Variants in KRTAP20-4 observed in about 807,000 individuals in gnomAD.
KRTAP20-4 encodes keratin associated protein 20-4.
For missense variants in KRTAP20-4, 30 were observed against 22.1 expected (o/e 1.36, Z -0.72); for synonymous variants, 21 against 8.9 (o/e 2.36, Z -2.43).
In KRTAP20-4 at chr21:30,620,729, T is replaced by C; in HGVS notation, c.72T>C (p.Thr24=). ...GLAVAVTMGR[T]VAVAEYGRCR... ...CTGTGGCTGTGACTATGGGAAGGAC[T>C]GTGGCTGTGGCTGAGTATGGCAGGT... The change falls in exon 1 of 1, where the codon ACT becomes ACC. Residue 24 remains threonine, a synonymous_variant. Transcript: ENST00000382828. The C allele has an allele frequency of 1.4e-6, 1 of 717,442 alleles. No homozygotes were observed. The highest frequency in any genetic ancestry group is 2.6e-6 in the Non-Finnish European group (1 of 385,066). 44.4% of individuals were successfully genotyped at this position (717,442 alleles called of 1,614,324 possible). A position where few individuals can be genotyped will look rare whatever the true frequency, so the allele number is the denominator to read the frequency against.
In KRTAP20-4 at chr21:30,620,718, A is replaced by C. The variant is rs1416702021; in HGVS notation, c.61A>C (p.Met21Leu). The change falls in exon 1 of 1, where the codon ATG (methionine) becomes CTG (leucine). Residue 21 changes from methionine to leucine, a missense_variant. Transcript: ENST00000382828. ...LGCGLAVAVTMGRTVAVAEYG... is the reference protein window; with the variant it reads ...LGCGLAVAVTLGRTVAVAEYG... Reference sequence around the variant, plus strand: ...CTGCGGCTTGGCTGTGGCTGTGACTATGGGAAGGACTGTGGCTGTGGCTGA... The same window carrying C: ...CTGCGGCTTGGCTGTGGCTGTGACTCTGGGAAGGACTGTGGCTGTGGCTGA... The C allele has an allele frequency of 2.8e-6, 2 of 717,288 alleles. No homozygotes were observed. Among genetic ancestry groups the C allele is most frequent in the African/African-American group, 1.7e-5 (1 of 57,214 alleles). The allele number at this position is 717,288 out of a possible 1,614,324, so 44.4% of individuals were successfully genotyped here. A position where few individuals can be genotyped will look rare whatever the true frequency, so the allele number is the denominator to read the frequency against.
rs566595773 is a variant in KRTAP20-4 at position 30,620,632 on chromosome 21, A to C, written c.-26A>C. The C allele has an allele frequency of 5.7e-5, 41 of 717,510 alleles. No individual in the cohort carries two copies. The South Asian group carries it at 5.9e-4, about 10-fold the overall frequency. The allele number at this position is 717,510 out of a possible 1,614,324, so 44.4% of individuals were successfully genotyped here. On this transcript the variant is annotated 5_prime_UTR_variant, in exon 1 of 1. Transcript: ENST00000382828. ...TGAGAAAAATAATTCCCTGATCCAC[A>C]ACTGAAACATCCACTTCTGAACACC...
rs556797059 is a variant in KRTAP20-4 at position 30,620,796 on chromosome 21, C to T, written c.*4C>T. On this transcript the variant is annotated 3_prime_UTR_variant, in exon 1 of 1. Coordinates refer to ENST00000382828, the MANE Select transcript of KRTAP20-4 (RefSeq NM_001350977.1). Reference sequence around the variant, plus strand: ...CTCATCTTACTCTGCCAGGTAATGACACCATGGATTCCACTGAGGAACACC... The same window carrying T: ...CTCATCTTACTCTGCCAGGTAATGATACCATGGATTCCACTGAGGAACACC... 104 of 717,368 alleles carry T rather than the reference C, an allele frequency of 1.4e-4. 3 individuals are homozygous for T. Among genetic ancestry groups the T allele is most frequent in the South Asian group, 9.0e-4 (61 of 67,598 alleles). 44.4% of individuals were successfully genotyped at this position (717,368 alleles called of 1,614,324 possible). A position where few individuals can be genotyped will look rare whatever the true frequency, so the allele number is the denominator to read the frequency against.
chr21:30,620,774 A>G lies in KRTAP20-4; in HGVS notation c.117A>G (p.Ser39=). 1 of 717,406 alleles carries G rather than the reference A, an allele frequency of 1.4e-6. No individual in the cohort carries two copies. The highest frequency in any genetic ancestry group is 2.6e-6 in the Non-Finnish European group (1 of 385,052). The allele number at this position is 717,406 out of a possible 1,614,324, so 44.4% of individuals were successfully genotyped here. The change falls in exon 1 of 1, where the codon TCA becomes TCG. Residue 39 remains serine, a synonymous_variant. Coordinates refer to ENST00000382828, the MANE Select transcript of KRTAP20-4 (RefSeq NM_001350977.1). ...GCAGGTGCAGACATGGCTGCCACTCATCTTACTCTGCCAGGTAATGACACC... is the reference window on the plus strand; with the variant it reads ...GCAGGTGCAGACATGGCTGCCACTCGTCTTACTCTGCCAGGTAATGACACC... ...EYGRCRHGCH[S]SYSAR
At position 30,620,753 on chromosome 21, in the gene KRTAP20-4, G is replaced by A. The variant is rs1280581710; in HGVS notation, c.96G>A (p.Arg32=). Residue 32 remains arginine (R), a synonymous_variant, in exon 1 of 1, where the codon AGG becomes AGA. Transcript: ENST00000382828. The part of the protein sequence containing the change: ...GRTVAVAEYG[R]CRHGCHSSYS... ...CTGTGGCTGTGGCTGAGTATGGCAG[G>A]TGCAGACATGGCTGCCACTCATCTT... 9.8e-6 allele frequency: 7 copies of A among 717,318 alleles called. No homozygotes were observed. Among genetic ancestry groups the A allele is most frequent in the East Asian group, 2.7e-5 (1 of 37,292 alleles). 44.4% of individuals were successfully genotyped at this position (717,318 alleles called of 1,614,324 possible). A position where few individuals can be genotyped will look rare whatever the true frequency, so the allele number is the denominator to read the frequency against.
rs1980801587 is a variant in KRTAP20-4 at position 30,620,627 on chromosome 21, T to C, written c.-31T>C. 2.8e-6 allele frequency: 2 copies of C among 717,388 alleles called. No individual in the cohort carries two copies. Among genetic ancestry groups the C allele is most frequent in the Non-Finnish European group, 2.6e-6 (1 of 385,048 alleles). 44.4% of individuals were successfully genotyped at this position (717,388 alleles called of 1,614,324 possible). On this transcript the variant is annotated 5_prime_UTR_variant, in exon 1 of 1. Coordinates refer to ENST00000382828, the MANE Select transcript of KRTAP20-4 (RefSeq NM_001350977.1). ...CAAACTGAGAAAAATAATTCCCTGA[T>C]CCACAACTGAAACATCCACTTCTGA...
chr21:30,620,692 G>A lies in KRTAP20-4; in HGVS notation c.35G>A (p.Gly12Asp). The A allele has an allele frequency of 1.4e-6, 1 of 717,604 alleles. No individual in the cohort carries two copies. Among genetic ancestry groups the A allele is most frequent in the Non-Finnish European group, 2.6e-6 (1 of 385,090 alleles). 44.5% of individuals were successfully genotyped at this position (717,604 alleles called of 1,614,324 possible). ...TACAGCCATCTTTCTGGTGGCCTGG[G>A]CTGCGGCTTGGCTGTGGCTGTGACT... ...SYYSHLSGGL[G>D]CGLAVAVTMG... The change falls in exon 1 of 1, where the codon GGC becomes GAC. Residue 12 changes from glycine to aspartate, a missense_variant. Coordinates refer to ENST00000382828, the MANE Select transcript of KRTAP20-4 (RefSeq NM_001350977.1).
rs1261499257 is a variant in KRTAP20-4, at chr21:30,620,815, G to T, written c.*23G>T. ...TAATGACACCATGGATTCCACTGAG[G>T]AACACCTAGAGCAGTTCAGTCTACT... is the stretch of plus-strand genomic sequence containing the variant. On this transcript the variant is annotated 3_prime_UTR_variant, in exon 1 of 1. Coordinates refer to ENST00000382828, the MANE Select transcript of KRTAP20-4 (RefSeq NM_001350977.1). 2 of 717,114 alleles carry T rather than the reference G, an allele frequency of 2.8e-6. No individual in the cohort carries two copies. The highest frequency in any genetic ancestry group is 2.3e-4 in the Middle Eastern group (1 of 4,356). 44.4% of individuals were successfully genotyped at this position (717,114 alleles called of 1,614,324 possible). A position where few individuals can be genotyped will look rare whatever the true frequency, so the allele number is the denominator to read the frequency against.
Position 30,620,676 on chromosome 21 carries a change from C to G in KRTAP20-4, c.19C>G (p.Leu7Val). The change falls in exon 1 of 1, where the codon CTT becomes GTT. Residue 7 changes from leucine (L) to valine (V), a missense_variant. By Grantham distance (32) the Leu-to-Val change is conservative. Transcript: ENST00000382828. MSYYSHLSGGLGCGLAV... is the reference protein window; with the variant it reads MSYYSHVSGGLGCGLAV... Reference sequence around the variant, plus strand: ...GAACACCATGTCCTACTACAGCCATCTTTCTGGTGGCCTGGGCTGCGGCTT... The same window carrying G: ...GAACACCATGTCCTACTACAGCCATGTTTCTGGTGGCCTGGGCTGCGGCTT... 1.4e-6 allele frequency: 1 copy of G among 717,710 alleles called. No homozygotes were observed. The highest frequency in any genetic ancestry group is 2.6e-6 in the Non-Finnish European group (1 of 385,118). The allele number at this position is 717,710 out of a possible 1,614,324, so 44.5% of individuals were successfully genotyped here. A position where few individuals can be genotyped will look rare whatever the true frequency, so the allele number is the denominator to read the frequency against.
chr21:30,620,732 G>A lies in KRTAP20-4; in HGVS notation c.75G>A (p.Val25=), dbSNP rs1405758883. The A allele has an allele frequency of 1.4e-6, 1 of 717,438 alleles. No homozygotes were observed. The highest frequency in any genetic ancestry group is 2.6e-6 in the Non-Finnish European group (1 of 385,070). 44.4% of individuals were successfully genotyped at this position (717,438 alleles called of 1,614,324 possible). ...TGGCTGTGACTATGGGAAGGACTGT[G>A]GCTGTGGCTGAGTATGGCAGGTGCA... is the stretch of plus-strand genomic sequence containing the variant. ...LAVAVTMGRT[V]AVAEYGRCRH... Residue 25 remains valine (V), a synonymous_variant, in exon 1 of 1, where the codon GTG becomes GTA. Coordinates refer to ENST00000382828, the MANE Select transcript of KRTAP20-4 (RefSeq NM_001350977.1).
In KRTAP20-4 at chr21:30,620,802, G is replaced by A; in HGVS notation, c.*10G>A. ...TTACTCTGCCAGGTAATGACACCAT[G>A]GATTCCACTGAGGAACACCTAGAGC... On this transcript the variant is annotated 3_prime_UTR_variant, in exon 1 of 1. Transcript: ENST00000382828. The A allele has an allele frequency of 1.4e-6, 1 of 717,250 alleles. No individual in the cohort carries two copies. The highest frequency in any genetic ancestry group is 2.6e-6 in the Non-Finnish European group (1 of 384,982). The allele number at this position is 717,250 out of a possible 1,614,324, so 44.4% of individuals were successfully genotyped here.
chr21:30,620,845 T>C lies in KRTAP20-4; in HGVS notation c.*53T>C, dbSNP rs761481107. The C allele has an allele frequency of 5.2e-5, 35 of 679,176 alleles. No individual in the cohort carries two copies. The highest frequency in any genetic ancestry group is 9.3e-5 in the Non-Finnish European group (34 of 365,730). 42.1% of individuals were successfully genotyped at this position (679,176 alleles called of 1,614,324 possible). A position where few individuals can be genotyped will look rare whatever the true frequency, so the allele number is the denominator to read the frequency against. ...CCTAGAGCAGTTCAGTCTACTGCAC[T>C]CCTCCAGCTTGATTTCCTGATTCTG... On this transcript the variant is annotated 3_prime_UTR_variant, in exon 1 of 1. Coordinates refer to ENST00000382828, the MANE Select transcript of KRTAP20-4 (RefSeq NM_001350977.1).
At chr21:30,620,760 CAT>C in the KRTAP20-4 span, 2 of 717,444 alleles carry the variant, frequency 2.8e-6, no homozygotes, top group Non-Finnish European at 2.6e-6. Flanking sequence ...CAGGTGCAGA[CAT>C]GGCTGCCACT....
Sources: gnomAD v4.1 joint callset for allele counts on GRCh38, gnomAD v4.1.1 for gene constraint, MANE v1.5 for transcripts, NCBI Gene and HGNC (gene_info 2026-07-23, HGNC 2026-07-21) for gene names.